Variants in INSL6 observed in about 807,000 individuals in gnomAD.
INSL6 encodes the protein insulin-like peptide INSL6.
In INSL6, 16 loss-of-function variants were observed where a neutral mutation model predicts 9.4. That is an observed-to-expected ratio of 1.70 (90% CI 1.15 to 2.59). The LOEUF (loss-of-function observed/expected upper bound fraction) is 2.59, where lower values mean the gene tolerates loss of function less well. INSL6 is among the 30% of genes most tolerant of loss of function. The pLI, the probability that INSL6 is intolerant of heterozygous loss-of-function variation, is 0.00. For synonymous variants in INSL6, 154 were observed against 96.9 expected (o/e 1.59, Z -3.46); for missense variants, 391 against 257.3 (o/e 1.52, Z -3.56).
At chr9:5,016,333 C>G in the INSL6 span, among the ~76,000 whole-genome samples, 1 of 151,998 alleles carries the variant, frequency 6.6e-6, no homozygotes, top group African/African-American at 2.4e-5. Context: ...ATATGGATAG[C>G]CCAGGTAGGC....
At chr9:5,148,927 C>A (rs568284839) in intron 2 of INSL6, among the ~76,000 whole-genome samples, 3 of 149,342 alleles carry the variant, frequency 2.0e-5, no homozygotes, top group South Asian at 4.2e-4. Flanking sequence ...TGCTGGTGGG[C>A]AAGCTGGCCT....
the INSL6 span, among the ~76,000 whole-genome samples, chr9:5,096,399 C>T: frequency 6.6e-6 from 1 of 152,146 alleles, no homozygotes; most frequent in Non-Finnish European, 1.5e-5. Flanking sequence ...TTTAATTAAG[C>T]TAAGTCCTTG....
chr9:5,166,825 G>C (rs1047262787), intron 1 of INSL6, among the ~76,000 whole-genome samples: 4 of 152,120 alleles, frequency 2.6e-5, no homozygotes, highest in African/African-American at 9.7e-5. Flanking sequence ...CCAAAACTAG[G>C]TAAGAACAAT....
chr9:5,155,661 A>G (rs200938891), intron 2 of INSL6, among the ~76,000 whole-genome samples: 1 of 151,552 alleles, frequency 6.6e-6, no homozygotes, highest in Non-Finnish European at 1.5e-5. Flanking sequence ...CAGCAAACTA[A>G]CACAAGAACA....
chr9:5,147,333 C>A (rs1280684787), intron 2 of INSL6, among the ~76,000 whole-genome samples: 1 of 152,170 alleles, frequency 6.6e-6, no homozygotes, highest in Admixed American at 6.5e-5. Flanking sequence ...GGGTCGACTG[C>A]AGCTTGCTGG....
chr9:5,162,535 G>A (rs1287375470), downstream of INSL6, among the ~76,000 whole-genome samples: 1 of 152,112 alleles, frequency 6.6e-6, no homozygotes, highest in East Asian at 1.9e-4. Context: ...ACTGGATCGT[G>A]TACATGGCTG....
At chr9:5,033,723 A>G in the INSL6 span, among the ~76,000 whole-genome samples, 1 of 152,216 alleles carries the variant, frequency 6.6e-6, no homozygotes, top group African/African-American at 2.4e-5. Context: ...CCTGCCCTAA[A>G]AGAGCTCCTG....
chr9:5,002,787 T>C, the INSL6 span, among the ~76,000 whole-genome samples: 6 of 152,152 alleles, frequency 3.9e-5, no homozygotes, highest in African/African-American at 1.4e-4. Flanking sequence ...AATTGGAAAC[T>C]ATTATTGTGT....
chr9:5,104,840 C>G, the INSL6 span, among the ~76,000 whole-genome samples: 1 of 152,156 alleles, frequency 6.6e-6, no homozygotes, highest in Non-Finnish European at 1.5e-5. Context: ...CACAAAAGGT[C>G]TTTGACAAAA....
chr9:5,043,037 T>G, the INSL6 span, among the ~76,000 whole-genome samples: 4 of 152,156 alleles, frequency 2.6e-5, no homozygotes, highest in African/African-American at 7.2e-5. Flanking sequence ...CCCTGCTGTG[T>G]GGAGGCGCGC....
At chr9:5,021,893 A>C in the INSL6 span, 2 of 879,372 alleles carry the variant, frequency 2.3e-6, no homozygotes, top group African/African-American at 3.4e-5. Flanking sequence ...TCGGCCCCGC[A>C]AAGTGCTAGG....
the INSL6 span, among the ~76,000 whole-genome samples, chr9:5,014,901 G>T: frequency 6.6e-6 from 1 of 151,030 alleles, no homozygotes; most frequent in Non-Finnish European, 1.5e-5. Flanking sequence ...TGTATTTTGG[G>T]ATTAACATTT....
the INSL6 span, chr9:5,089,563 A>AAT: frequency 1.1e-5 from 4 of 349,772 alleles, no homozygotes; most frequent in Middle Eastern, 7.8e-4. Flanking sequence ...AAAAAAAAAA[A>AAT]AAGACAGTCT....
At chr9:5,060,683 G>A in the INSL6 span, among the ~76,000 whole-genome samples, 4 of 152,130 alleles carry the variant, frequency 2.6e-5, no homozygotes, top group Non-Finnish European at 4.4e-5. Flanking sequence ...ACCCCTCAAA[G>A]TCATCCATGA....
At chr9:5,080,104 A>G in the INSL6 span, 13 of 722,760 alleles carry the variant, frequency 1.8e-5, no homozygotes, top group African/African-American at 3.6e-5. Context: ...TGCACATCCA[A>G]CCCCTCCAAA....
At chr9:5,111,654 T>C in the INSL6 span, 1 of 394,570 alleles carries the variant, frequency 2.5e-6, no homozygotes, top group East Asian at 7.0e-5. Context: ...CCCTCGTCCC[T>C]CCCGCCCAGC....
chr9:5,172,560 A>G (rs1368243719), intron 1 of INSL6, among the ~76,000 whole-genome samples: 10 of 152,248 alleles, frequency 6.6e-5, no homozygotes, highest in African/African-American at 2.2e-4. Context: ...CAATCTATCC[A>G]TTTAACGAAG....
intron 3 of INSL6, chr9:5,127,939 A>C: frequency 4.3e-6 from 1 of 232,454 alleles, no homozygotes; most frequent in East Asian, 6.0e-5. Context: ...GCCAGTAGAA[A>C]ATTCATAACG....
the INSL6 span, chr9:5,078,516 A>G: frequency 1.7e-6 from 2 of 1,158,566 alleles, no homozygotes; most frequent in African/African-American, 1.6e-5. Flanking sequence ...GCATGTTGTT[A>G]ATTTTCCTTG....
Sources: gnomAD v4.1 joint callset for allele counts (sites outside exome capture counted in the v4.1 genomes callset) on GRCh38, gnomAD v4.1.1 for gene constraint, MANE v1.5 for transcripts, NCBI Gene and HGNC (gene_info 2026-07-23, HGNC 2026-07-21) for gene names.